The following PARM1 variants were observed in gnomAD, a reference collection of about 807,000 sequenced individuals.
PARM1 encodes prostate androgen-regulated mucin-like protein 1, also known as WSC4, cell wall integrity and stress response component 4 homolog.
Under a neutral mutation model 24.6 loss-of-function variants are expected in PARM1, and 14 were observed. The ratio of observed to expected loss-of-function variants is 0.57; its 90% CI spans 0.38 to 0.89. The LOEUF is 0.89. Among genes scored for constraint, PARM1 ranks in the 40% least tolerant of loss-of-function variants. The probability of loss-of-function intolerance (pLI) is 0.00; values close to 1 mark genes in which losing one functional copy is unlikely to be tolerated. For synonymous variants in PARM1, 179 were observed against 156.6 expected (o/e 1.14, Z -1.07); for missense variants, 362 against 380.4 (o/e 0.95, Z 0.40).
intron 3 of PARM1, among the ~76,000 whole-genome samples, chr4:75,042,146 A>G (rs894792633): frequency 2.0e-5 from 3 of 152,218 alleles, no homozygotes; most frequent in Non-Finnish European, 2.9e-5. Flanking sequence ...GACACTCCAT[A>G]TACACTATCT....
In PARM1 at chr4:75,046,386, C is replaced by G; in HGVS notation, c.*139C>G. 1.7e-6 allele frequency: 1 copy of G among 588,030 alleles called. No individual in the cohort carries two copies. The highest frequency in any genetic ancestry group is 2.0e-5 in the South Asian group (1 of 50,626). The allele number at this position is 588,030 out of a possible 1,614,324, so 36.4% of individuals were successfully genotyped here. On this transcript the variant is annotated 3_prime_UTR_variant, in exon 4 of 4. Transcript: ENST00000307428. ...TTGGTATGGTTGTTTTTGTTTTCCT[C>G]CCTCTCCTCTGGCTGCTACAACTTC...
intron 2 of PARM1, among the ~76,000 whole-genome samples, chr4:75,017,627 T>A (rs28581393): frequency 0.03 from 4,557 of 152,280 alleles, 236 homozygotes; most frequent in African/African-American, 0.1. Context: ...TCTGACATCA[T>A]CTGATTTATT....
intron 1 of PARM1, chr4:74,969,871 G>T (rs1214395389): frequency 2.0e-5 from 3 of 152,184 alleles, no homozygotes; most frequent in African/African-American, 7.2e-5. Flanking sequence ...CACTGTTTTT[G>T]AGATTGTAGA....
At chr4:74,981,223 G>T (rs1357361834) in intron 1 of PARM1, among the ~76,000 whole-genome samples, 1 of 152,138 alleles carries the variant, frequency 6.6e-6, no homozygotes, top group East Asian at 1.9e-4. Context: ...TCTGACAAAG[G>T]TCTAATATCC....
chr4:74,948,527 C>T (rs1047218745), intron 1 of PARM1, among the ~76,000 whole-genome samples: 4 of 152,144 alleles, frequency 2.6e-5, no homozygotes, highest in African/African-American at 9.7e-5. Flanking sequence ...GGTGAGTGGC[C>T]TATAAGACAA....
At chr4:75,036,744 G>A (rs371577935) in intron 3 of PARM1, among the ~76,000 whole-genome samples, 3 of 152,248 alleles carry the variant, frequency 2.0e-5, no homozygotes. Flanking sequence ...TTCCCCAGGC[G>A]TTCAGAGCAC....
At position 75,046,227 on chromosome 4, in the gene PARM1, C is replaced by G; in HGVS notation, c.913C>G (p.Pro305Ala). The G allele has an allele frequency of 6.2e-7, 1 of 1,610,450 alleles. No homozygotes were observed. The highest frequency in any genetic ancestry group is 8.5e-7 in the Non-Finnish European group (1 of 1,176,716). ...DYGSWGNYNN[P>A]LYDDS is the part of the protein sequence containing the mutation. ...CGGGTCCTGGGGAAACTACAACAAC[C>G]CTCTGTACGATGACTCCTAACAATG... The change falls in exon 4 of 4, where the codon CCT becomes GCT. Residue 305 changes from proline to alanine, a missense_variant. Coordinates refer to ENST00000307428, the MANE Select transcript of PARM1 (RefSeq NM_015393.4).
At chr4:74,943,758 A>C (rs1306191712) in intron 1 of PARM1, among the ~76,000 whole-genome samples, 4 of 152,218 alleles carry the variant, frequency 2.6e-5, no homozygotes, top group Admixed American at 2.0e-4. Context: ...ATTCCAAATA[A>C]CTAAAAATAA....
intron 2 of PARM1, among the ~76,000 whole-genome samples, chr4:75,019,032 G>T (rs777254975): frequency 2.0e-5 from 3 of 152,246 alleles, no homozygotes; most frequent in Non-Finnish European, 4.4e-5. Flanking sequence ...TGCCCAGTGG[G>T]AGGGGAAGCA....
chr4:75,013,189 C>T (rs1722915242), intron 2 of PARM1, 39 bp downstream of exon 2: 4 of 1,564,908 alleles, frequency 2.6e-6, no homozygotes, highest in Middle Eastern at 1.8e-4. Context: ...CTTTACTACA[C>T]CCTCACATTA....
At position 75,012,450 on chromosome 4, in the gene PARM1, A is replaced by G; in HGVS notation, c.69A>G (p.Thr23=). The change falls in exon 2 of 4, where the codon ACA becomes ACG. Residue 23 remains threonine (T), a synonymous_variant. Transcript: ENST00000307428. ...GATGGAGGGTACAGAGTCTGCCTAC[A>G]TCAGCTCCTTTGTCTGTTTCTCTTC... ...TAGWRVQSLP[T]SAPLSVSLPT... 1 of 1,613,924 alleles carries G rather than the reference A, an allele frequency of 6.2e-7. No homozygotes were observed. The highest frequency in any genetic ancestry group is 8.5e-7 in the Non-Finnish European group (1 of 1,179,870).
rs551333728 is a variant in PARM1 at position 75,016,462 on chromosome 4, G to A, written c.769+3312G>A. Among the ~76,000 whole-genome samples the A allele has an allele frequency of 2.0e-5, 3 of 152,096 alleles. No homozygotes were observed. The South Asian group carries it at 6.2e-4, about 32-fold the overall frequency. ...GTACATGCACAGGTTTGTTACGTGG[G>A]TATATTGCGTGATGCTGAGGTTTGG... On this transcript the variant is annotated intron_variant, in intron 2 of 3. Transcript: ENST00000307428.
chr4:75,003,211 C>T (rs905587449), intron 1 of PARM1, among the ~76,000 whole-genome samples: 1 of 152,008 alleles, frequency 6.6e-6, no homozygotes, highest in African/African-American at 2.4e-5. Flanking sequence ...TTCAGACATT[C>T]GTTGGCGTCC....
intron 1 of PARM1, among the ~76,000 whole-genome samples, chr4:74,981,951 ATTCAAAGGAATATAAATCATTCTG>A (rs1237685226): frequency 6.6e-6 from 1 of 152,010 alleles, no homozygotes; most frequent in African/African-American, 2.4e-5. Flanking sequence ...CTGGATATAC[ATTCAAAGGAATATAAATCATTCTG>A]TTATAAGATA....
intron 1 of PARM1, among the ~76,000 whole-genome samples, chr4:75,011,867 T>C (rs1722877222): frequency 6.6e-6 from 1 of 152,198 alleles, no homozygotes; most frequent in East Asian, 1.9e-4. Context: ...AGGAGGTCCA[T>C]ATCCCTTATA....
At chr4:74,943,860 A>G (rs61628388) in intron 1 of PARM1, among the ~76,000 whole-genome samples, 2,236 of 152,346 alleles carry the variant, frequency 0.015, 55 homozygotes, top group African/African-American at 0.051. Flanking sequence ...AAGATGATGA[A>G]TGGTAAAGTT....
intron 1 of PARM1, among the ~76,000 whole-genome samples, chr4:75,001,888 T>G (rs1243204274): frequency 1.3e-5 from 2 of 152,182 alleles, no homozygotes; most frequent in Non-Finnish European, 2.9e-5. Flanking sequence ...CCTTCCCCGT[T>G]CCCTGGATGG....
At chr4:75,006,051 C>T (rs970388987) in intron 1 of PARM1, among the ~76,000 whole-genome samples, 1 of 152,182 alleles carries the variant, frequency 6.6e-6, no homozygotes, top group African/African-American at 2.4e-5. Context: ...GTTTCTTCAT[C>T]ATATCTTCTC....
At chr4:74,955,985 G>A (rs955358216) in intron 1 of PARM1, 13 of 152,308 alleles carry the variant, frequency 8.5e-5, no homozygotes, top group African/African-American at 2.9e-4. Context: ...CAGACTAGTA[G>A]CAAGTATGAA....
Sources: gnomAD v4.1 joint callset for allele counts (sites outside exome capture counted in the v4.1 genomes callset) on GRCh38, gnomAD v4.1.1 for gene constraint, MANE v1.5 for transcripts, NCBI Gene and HGNC (gene_info 2026-07-23, HGNC 2026-07-21) for gene names.